Variants in WSB1 observed in about 807,000 individuals in gnomAD.
The protein encoded by WSB1 is WD repeat and SOCS box containing 1, also known as WD repeat and SOCS box-containing protein 1.
A neutral mutation model predicts 50.2 loss-of-function variants in WSB1; 23 were observed. The ratio of observed to expected loss-of-function variants is 0.46; its 90% confidence interval spans 0.33 to 0.65. The LOEUF (loss-of-function observed/expected upper bound fraction) is 0.65. WSB1 is among the 30% of genes least tolerant of loss of function. WSB1 has a pLI of 0.02. For missense variants in WSB1, 492 were observed against 522.3 expected, an observed-to-expected ratio of 0.94 and a Z score of 0.56; for synonymous variants, 179 against 172.0, an observed-to-expected ratio of 1.04 and a Z score of -0.32.
chr17:27,305,058 G>GA, intron 4 of WSB1, 147 bp downstream of exon 4: 1 of 961,264 alleles, frequency 1.0e-6, no homozygotes, highest in Non-Finnish European at 1.5e-6. Context: ...TTCCTTTCCT[G>GA]AATAGATCAA....
Position 27,294,198 on chromosome 17 carries a change from T to A in WSB1, c.-198T>A. On this transcript the variant is annotated 5_prime_UTR_variant, in exon 1 of 9. Coordinates refer to ENST00000262394, the MANE Select transcript of WSB1 (RefSeq NM_015626.10). ...GGGTACAGGGTCTATTGTCTGTGGTTGACTCCGTACTTTGGTCTGAGGCCT... is the reference window on the plus strand; with the variant it reads ...GGGTACAGGGTCTATTGTCTGTGGTAGACTCCGTACTTTGGTCTGAGGCCT... 1.7e-6 allele frequency: 1 copy of A among 584,504 alleles called. No homozygotes were observed. The allele number at this position is 584,504 out of a possible 1,614,324, so 36.2% of individuals were successfully genotyped here.
Position 27,306,887 on chromosome 17 carries a change from G to C in WSB1, c.711+5G>C. Reference sequence around the variant, plus strand: ...TCAGTCGGAGCCAGTAAAGCAGTACGTGTCAAAGTTCTTGTACATTCATTA... The same window carrying C: ...TCAGTCGGAGCCAGTAAAGCAGTACCTGTCAAAGTTCTTGTACATTCATTA... On this transcript the variant is annotated splice_donor_5th_base_variant and intron_variant, in intron 5 of 8. Transcript: ENST00000262394. 1 of 1,613,578 alleles carries C rather than the reference G, an allele frequency of 6.2e-7. No individual in the cohort carries two copies. The highest frequency in any genetic ancestry group is 8.5e-7 in the Non-Finnish European group (1 of 1,179,642).
chr17:27,309,064 C>G, intron 5 of WSB1, 36 bp from the exon 6 acceptor site: 1 of 1,554,630 alleles, frequency 6.4e-7, no homozygotes, highest in Non-Finnish European at 8.7e-7. Flanking sequence ...CTCTGTATGT[C>G]TGAATGAAGC....
Position 27,309,183 on chromosome 17 carries a change from T to C in WSB1, c.795T>C (p.Ser265=), listed in dbSNP as rs755197567. ...HHHDVVACDF[S]PDGALLATAS... The stretch of plus-strand genomic sequence containing the variant: ...ATGATGTGGTAGCTTGTGACTTTTC[T>C]CCTGATGGAGCATTACTGGCTACTG... The change falls in exon 6 of 9, where the codon TCT becomes TCC. Residue 265 remains serine, a synonymous_variant. Coordinates refer to ENST00000262394, the MANE Select transcript of WSB1 (RefSeq NM_015626.10). 7.4e-6 allele frequency: 12 copies of C among 1,613,674 alleles called. No homozygotes were observed. Among genetic ancestry groups the C allele is most frequent in the Non-Finnish European group, 5.1e-6 (6 of 1,179,794 alleles).
intron 3 of WSB1, 89 bp from the exon 4 acceptor site, chr17:27,304,691 G>A: frequency 1.5e-6 from 2 of 1,350,396 alleles, no homozygotes; most frequent in South Asian, 2.7e-5. Context: ...CAGCCTGAGT[G>A]ACAGAGTGAG....
chr17:27,302,829 A>G (rs1205018130), intron 2 of WSB1: 1 of 152,188 alleles, frequency 6.6e-6, no homozygotes, highest in African/African-American at 2.4e-5. Context: ...AAAATGTATC[A>G]TGTGCTATAT....
chr17:27,298,500 C>T (rs767685908), intron 1 of WSB1, among the ~76,000 whole-genome samples: 1 of 151,982 alleles, frequency 6.6e-6, no homozygotes, highest in Admixed American at 6.6e-5. Flanking sequence ...GTGGGAGGAT[C>T]GTTTGAGGCC....
chr17:27,311,547 T>G lies in WSB1; in HGVS notation c.1037T>G (p.Val346Gly). 1 of 1,612,010 alleles carries G rather than the reference T, an allele frequency of 6.2e-7. No homozygotes were observed. The highest frequency in any genetic ancestry group is 8.5e-7 in the Non-Finnish European group (1 of 1,179,398). Residue 346 changes from valine to glycine, a missense_variant, in exon 8 of 9, where the codon GTG becomes GGG. Val to Gly is a moderately radical substitution (Grantham distance 109, BLOSUM62 -3). Coordinates refer to ENST00000262394, the MANE Select transcript of WSB1 (RefSeq NM_015626.10). ...TGGAGAATTGATGAGGATTATCCAG[T>G]GCAAGTTGCACCTTTGAGCAATGGT... ...RFWRIDEDYP[V>G]QVAPLSNGLC... is the part of the protein sequence containing the mutation.
At chr17:27,308,096 C>A (rs2017530273) in intron 5 of WSB1, 1 of 1,106,130 alleles carries the variant, frequency 9.0e-7, no homozygotes, top group Admixed American at 5.0e-5. Context: ...CAAATGGTTT[C>A]TCTGTGCTAT....
At chr17:27,308,831 G>C (rs1299064862) in intron 5 of WSB1, 1 of 1,060,552 alleles carries the variant, frequency 9.4e-7, no homozygotes, top group East Asian at 6.5e-5. Flanking sequence ...ATAGCTTTGT[G>C]GTTAAATTGC....
chr17:27,309,016 A>C, intron 5 of WSB1, 84 bp from the exon 6 acceptor site: 1 of 1,424,266 alleles, frequency 7.0e-7, no homozygotes, highest in South Asian at 1.7e-5. Flanking sequence ...AATCTTAATT[A>C]AATTTAGCAG....
In WSB1 at chr17:27,301,940, C is replaced by T; in HGVS notation, c.193C>T (p.Gln65Ter). 6.3e-7 allele frequency: 1 copy of T among 1,585,458 alleles called. No individual in the cohort carries two copies. The highest frequency in any genetic ancestry group is 8.6e-7 in the Non-Finnish European group (1 of 1,169,464). ...CACAGTAAAGCTTGTTCCGTGGTCC[C>T]AGTGCCTTCAGAACTTGTAAGACTG... ...HRTVKLVPWS[Q>*]CLQNFLLHGT... is the part of the protein sequence containing the mutation. Residue 65 changes from glutamine (Q) to a stop codon, truncating the protein, a stop_gained, in exon 2 of 9, where the codon CAG (glutamine) becomes TAG (stop). Transcript: ENST00000262394. LOFTEE classifies it high-confidence loss of function.
chr17:27,304,953 GA>G, intron 4 of WSB1, 42 bp downstream of exon 4: 1 of 1,611,048 alleles, frequency 6.2e-7, no homozygotes, highest in Non-Finnish European at 8.5e-7. Flanking sequence ...TTTGTTTCTT[GA>G]TACTACTATG....
At chr17:27,306,202 CTTTTTTTTTTT>C (rs907711059) in intron 4 of WSB1, among the ~76,000 whole-genome samples, 26 of 63,142 alleles carry the variant, frequency 4.1e-4, no homozygotes, top group African/African-American at 1.4e-3. Flanking sequence ...AGAATTCTGT[CTTTTTTTTTTT>C]TTTTTTTTTT....
intron 5 of WSB1, chr17:27,308,141 AC>A: frequency 6.8e-6 from 7 of 1,032,170 alleles, no homozygotes; most frequent in Non-Finnish European, 8.1e-6. Flanking sequence ...GAGATATCTT[AC>A]GTCTTTGATT....
In WSB1 at chr17:27,301,742, A is replaced by G. The variant is rs1156910158; in HGVS notation, c.41-46A>G. Reference sequence around the variant, plus strand: ...GTAATATGGAAGCAGTCTCACATGTATTGTTGGTTATATATGATATCCAGT... The same window carrying G: ...GTAATATGGAAGCAGTCTCACATGTGTTGTTGGTTATATATGATATCCAGT... On this transcript the variant is annotated intron_variant, in intron 1 of 8. Transcript: ENST00000262394. 5.7e-6 allele frequency: 9 copies of G among 1,590,532 alleles called. No homozygotes were observed. In the East Asian group the frequency reaches 1.3e-4, roughly 24 times the overall value.
At chr17:27,304,977 G>T (rs1381784378) in intron 4 of WSB1, 66 bp downstream of exon 4, 2 of 1,583,866 alleles carry the variant, frequency 1.3e-6, no homozygotes, top group African/African-American at 1.4e-5. Flanking sequence ...GAGGTATTGG[G>T]AACATGTGGG....
chr17:27,294,205 G>T lies in WSB1; in HGVS notation c.-191G>T. 1 of 622,904 alleles carries T rather than the reference G, an allele frequency of 1.6e-6. No individual in the cohort carries two copies. The highest frequency in any genetic ancestry group is 2.7e-6 in the Non-Finnish European group (1 of 365,142). 38.6% of individuals were successfully genotyped at this position (622,904 alleles called of 1,614,324 possible). The stretch of plus-strand genomic sequence containing the variant: ...GGGTCTATTGTCTGTGGTTGACTCC[G>T]TACTTTGGTCTGAGGCCTTCGGGAG... On this transcript the variant is annotated 5_prime_UTR_variant, in exon 1 of 9. Transcript: ENST00000262394.
intron 4 of WSB1, 79 bp downstream of exon 4, chr17:27,304,990 ATTTG>A: frequency 1.3e-6 from 2 of 1,550,000 alleles, no homozygotes; most frequent in South Asian, 2.4e-5. Flanking sequence ...CATGTGGGGC[ATTTG>A]ACTTTAAAAA....
Sources: allele counts gnomAD v4.1 joint callset (sites outside exome capture counted in the v4.1 genomes callset), GRCh38; gene constraint gnomAD v4.1.1; transcripts MANE v1.5; gene names NCBI Gene and HGNC (gene_info 2026-07-23, HGNC 2026-07-21).